The following SLC25A21 variants were observed in gnomAD, a reference collection of about 807,000 sequenced individuals.
SLC25A21 encodes the protein mitochondrial 2-oxodicarboxylate carrier.
A neutral mutation model predicts 43.8 loss-of-function variants in SLC25A21; 47 were observed. The ratio of observed to expected loss-of-function variants is 1.07; its 90% CI spans 0.85 to 1.37. The LOEUF (loss-of-function observed/expected upper bound fraction) is 1.37. Ranked by LOEUF, SLC25A21 falls within the 40% of genes most tolerant of loss-of-function variation. SLC25A21 has a pLI of 0.00. For synonymous variants in SLC25A21, 131 were observed against 121.3 expected, an observed-to-expected ratio of 1.08 and a Z score of -0.52; for missense variants, 352 against 350.2, an observed-to-expected ratio of 1.00 and a Z score of -0.04.
chr14:36,782,863 T>G, intron 3 of SLC25A21, among the ~76,000 whole-genome samples: 1 of 149,944 alleles, frequency 6.7e-6, no homozygotes, highest in Non-Finnish European at 1.5e-5. Context: ...GATGACGAGT[T>G]AGTGGGTGCA....
chr14:37,028,021 AC>A (rs1216545953), intron 1 of SLC25A21, among the ~76,000 whole-genome samples: 1 of 152,214 alleles, frequency 6.6e-6, no homozygotes. Flanking sequence ...TAGTATCTAA[AC>A]TAAGAAAACA....
intron 6 of SLC25A21, among the ~76,000 whole-genome samples, chr14:36,721,528 A>G (rs1239531637): frequency 6.6e-6 from 1 of 152,254 alleles, no homozygotes; most frequent in Non-Finnish European, 1.5e-5. Flanking sequence ...GATAATGGTA[A>G]AAAGTGTAAT....
At chr14:36,834,903 A>T (rs1889156821) in intron 2 of SLC25A21, among the ~76,000 whole-genome samples, 1 of 152,230 alleles carries the variant, frequency 6.6e-6, no homozygotes, top group Non-Finnish European at 1.5e-5. Flanking sequence ...AACAAATGGT[A>T]ACCCTATTAA....
intron 1 of SLC25A21, among the ~76,000 whole-genome samples, chr14:36,965,064 A>G (rs1377060600): frequency 6.6e-6 from 1 of 152,156 alleles, no homozygotes; most frequent in Non-Finnish European, 1.5e-5. Context: ...ACTTTTAAAG[A>G]ATCTGGACCC....
At chr14:36,996,157 C>A (rs1960367368) in intron 1 of SLC25A21, among the ~76,000 whole-genome samples, 1 of 152,118 alleles carries the variant, frequency 6.6e-6, no homozygotes, top group Non-Finnish European at 1.5e-5. Flanking sequence ...ATATCACAAC[C>A]CTTGTGCCTT....
At chr14:36,690,289 TTTA>T (rs762580505) in intron 7 of SLC25A21, among the ~76,000 whole-genome samples, 4 of 152,314 alleles carry the variant, frequency 2.6e-5, no homozygotes, top group Non-Finnish European at 5.9e-5. Context: ...ATTAATAATA[TTTA>T]TTACCAGGCA....
At chr14:36,968,099 CTAG>C (rs1566778994) in intron 1 of SLC25A21, among the ~76,000 whole-genome samples, 4 of 152,210 alleles carry the variant, frequency 2.6e-5, no homozygotes, top group Admixed American at 2.6e-4. Flanking sequence ...TACAAAAGTG[CTAG>C]TAGAAGAGAG....
chr14:37,043,941 T>TTTTTTTG (rs1555343742), intron 1 of SLC25A21, among the ~76,000 whole-genome samples: 51 of 70,124 alleles, frequency 7.3e-4, no homozygotes, highest in African/African-American at 4.1e-3. Flanking sequence ...TGTTTTTTTG[T>TTTTTTTG]TTTTTTTTTT....
intron 4 of SLC25A21, among the ~76,000 whole-genome samples, chr14:36,732,826 T>A (rs903001344): frequency 1.3e-5 from 2 of 152,216 alleles, no homozygotes; most frequent in Admixed American, 1.3e-4. Context: ...GCTATCCATC[T>A]GGCAAAGATA....
intron 2 of SLC25A21, among the ~76,000 whole-genome samples, chr14:36,818,482 A>T (rs1888527169): frequency 1.3e-5 from 2 of 152,216 alleles, no homozygotes; most frequent in Non-Finnish European, 1.5e-5. Flanking sequence ...AGGCATGGTA[A>T]CTGCTAATGC....
intron 3 of SLC25A21, among the ~76,000 whole-genome samples, chr14:36,778,619 A>T (rs1886924078): frequency 6.6e-6 from 1 of 152,196 alleles, no homozygotes; most frequent in South Asian, 2.1e-4. Context: ...TTAGAATGGA[A>T]GCCCAAGAAC....
chr14:36,855,497 C>T (rs1458822840), intron 2 of SLC25A21, among the ~76,000 whole-genome samples: 3 of 152,184 alleles, frequency 2.0e-5, no homozygotes, highest in East Asian at 1.9e-4. Context: ...GTGGCTTCCT[C>T]ACCATTGGTG....
rs148757299 is a variant in SLC25A21 at position 36,694,540 on chromosome 14, G to A, written c.604-9615C>T. On this transcript the variant is annotated intron_variant, in intron 7 of 9. Coordinates refer to ENST00000331299, the MANE Select transcript of SLC25A21 (RefSeq NM_030631.4). ...ACACTCCCACCAACAGTGTAAAAGCGTTCCTATTTCTCCACATCCTTTCCA... is the reference window on the plus strand; with the variant it reads ...ACACTCCCACCAACAGTGTAAAAGCATTCCTATTTCTCCACATCCTTTCCA... 7.5e-3 allele frequency among the ~76,000 whole-genome samples: 1,135 copies of A among 152,254 alleles called. 14 individuals carry two copies. Among genetic ancestry groups the A allele is most frequent in the African/African-American group, 0.025 (1,056 of 41,542 alleles).
At chr14:36,768,961 CTATCTATATCTA>C (rs547092027) in intron 3 of SLC25A21, among the ~76,000 whole-genome samples, 4 of 149,830 alleles carry the variant, frequency 2.7e-5, no homozygotes, top group African/African-American at 9.8e-5. Flanking sequence ...AAACCTATAT[CTATCTATATCTA>C]TATCTATATC....
At chr14:36,745,561 T>C (rs543792591) in intron 3 of SLC25A21, among the ~76,000 whole-genome samples, 6 of 152,310 alleles carry the variant, frequency 3.9e-5, no homozygotes, top group South Asian at 4.1e-4. Flanking sequence ...TGGTATCTCA[T>C]TGTGGTTTTG....
At chr14:36,775,967 A>C (rs911738013) in intron 3 of SLC25A21, among the ~76,000 whole-genome samples, 2 of 152,112 alleles carry the variant, frequency 1.3e-5, no homozygotes, top group African/African-American at 4.8e-5. Flanking sequence ...ACCTGGAGAC[A>C]CTAAGGGTTA....
intron 1 of SLC25A21, among the ~76,000 whole-genome samples, chr14:36,971,914 G>A (rs1208092027): frequency 6.6e-6 from 1 of 152,118 alleles, no homozygotes; most frequent in Non-Finnish European, 1.5e-5. Context: ...AATACTGGCT[G>A]TAAATATTGT....
At chr14:37,153,603 T>G (rs926444220) in intron 1 of SLC25A21, among the ~76,000 whole-genome samples, 1 of 152,148 alleles carries the variant, frequency 6.6e-6, no homozygotes, top group Non-Finnish European at 1.5e-5. Context: ...GAAACGTGCA[T>G]TCCCTACCCA....
At chr14:36,808,197 T>C (rs1888112705) in intron 3 of SLC25A21, among the ~76,000 whole-genome samples, 2 of 152,204 alleles carry the variant, frequency 1.3e-5, no homozygotes, top group African/African-American at 4.8e-5. Flanking sequence ...TCTGACCTAG[T>C]TGTTTCCTAG....
Sources: gnomAD v4.1 joint callset for allele counts (sites outside exome capture counted in the v4.1 genomes callset) on GRCh38, gnomAD v4.1.1 for gene constraint, MANE v1.5 for transcripts, NCBI Gene and HGNC (gene_info 2026-07-23, HGNC 2026-07-21) for gene names.